DDR2: variants seen among roughly 807,000 people sequenced by gnomAD.
DDR2 encodes discoidin domain-containing receptor 2.
In DDR2, 27 loss-of-function variants were observed where a neutral mutation model predicts 94.9. The ratio of observed to expected loss-of-function variants is 0.28; its 90% CI spans 0.21 to 0.39. DDR2 has a LOEUF of 0.39. Among genes scored for constraint, DDR2 ranks in the 10% least tolerant of loss-of-function variants. The pLI is 1.00. For synonymous variants in DDR2, 382 were observed against 377.2 expected (o/e 1.01, Z -0.15); for missense variants, 783 against 1,076.0 (o/e 0.73, Z 3.81).
chr1:162,709,723 T>C (rs771065146), intron 2 of DDR2, among the ~76,000 whole-genome samples: 3 of 151,792 alleles, frequency 2.0e-5, no homozygotes, highest in Admixed American at 1.3e-4. Flanking sequence ...GGAAAGAAAA[T>C]GAGAGGAGCT....
intron 1 of DDR2, among the ~76,000 whole-genome samples, chr1:162,641,981 C>G (rs551753704): frequency 1.3e-5 from 2 of 152,126 alleles, no homozygotes; most frequent in Non-Finnish European, 2.9e-5. Flanking sequence ...GACAGAGTCT[C>G]TCCCTGTCGC....
At chr1:162,777,282 C>G (rs1647621236) in intron 16 of DDR2, among the ~76,000 whole-genome samples, 1 of 152,016 alleles carries the variant, frequency 6.6e-6, no homozygotes. Flanking sequence ...TACATATGTA[C>G]ATATATGTAA....
intron 1 of DDR2, among the ~76,000 whole-genome samples, chr1:162,645,551 G>T (rs935701288): frequency 6.6e-6 from 1 of 152,172 alleles, no homozygotes; most frequent in Non-Finnish European, 1.5e-5. Flanking sequence ...CTAATCACTA[G>T]TGTGGAACTT....
chr1:162,764,502 T>C (rs1191425611), intron 9 of DDR2, among the ~76,000 whole-genome samples: 2 of 151,732 alleles, frequency 1.3e-5, no homozygotes, highest in African/African-American at 4.8e-5. Context: ...GGAATGAGAC[T>C]TGTACTGGGC....
chr1:162,687,238 T>C (rs918994872), intron 2 of DDR2, among the ~76,000 whole-genome samples: 1 of 152,220 alleles, frequency 6.6e-6, no homozygotes. Flanking sequence ...AGGCAAGGCA[T>C]TACCTGCACC....
chr1:162,691,598 C>T (rs966579760), intron 2 of DDR2, among the ~76,000 whole-genome samples: 2 of 152,198 alleles, frequency 1.3e-5, no homozygotes, highest in African/African-American at 2.4e-5. Context: ...TGTCTAGTGA[C>T]GTGCTGGCAA....
chr1:162,711,741 C>T (rs552820779), intron 2 of DDR2, among the ~76,000 whole-genome samples: 253 of 152,244 alleles, frequency 1.7e-3, no homozygotes, highest in African/African-American at 5.7e-3. Flanking sequence ...AGGTGTTTCT[C>T]TTCATATCTA....
intron 12 of DDR2, 105 bp downstream of exon 12, chr1:162,770,617 G>C (rs780610602): frequency 2.6e-6 from 3 of 1,134,686 alleles, no homozygotes; most frequent in Non-Finnish European, 3.9e-6. Flanking sequence ...TTTAGTCTCT[G>C]CTAACCTCCT....
chr1:162,638,575 A>T (rs1194326306), intron 1 of DDR2, among the ~76,000 whole-genome samples: 2 of 152,180 alleles, frequency 1.3e-5, no homozygotes, highest in African/African-American at 4.8e-5. Context: ...GGGCTTTGTA[A>T]AAGAAAATCG....
chr1:162,747,495 C>T (rs907705811), intron 3 of DDR2, among the ~76,000 whole-genome samples: 7 of 151,848 alleles, frequency 4.6e-5, no homozygotes, highest in African/African-American at 1.7e-4. Context: ...AAATATGAGA[C>T]TGTGTGAAAA....
intron 10 of DDR2, among the ~76,000 whole-genome samples, chr1:162,766,336 A>G (rs1466557569): frequency 2.0e-5 from 3 of 152,226 alleles, no homozygotes; most frequent in African/African-American, 7.2e-5. Context: ...GGTCAGAAAC[A>G]GGGAAAGGGA....
At chr1:162,687,079 G>T (rs1659722266) in intron 2 of DDR2, among the ~76,000 whole-genome samples, 1 of 152,218 alleles carries the variant, frequency 6.6e-6, no homozygotes, top group African/African-American at 2.4e-5. Context: ...GCAAGGAGAA[G>T]ACAATGAGGC....
At chr1:162,691,887 G>A (rs1417404332) in intron 2 of DDR2, among the ~76,000 whole-genome samples, 1 of 152,234 alleles carries the variant, frequency 6.6e-6, no homozygotes, top group Non-Finnish European at 1.5e-5. Context: ...GTAGAAGGTA[G>A]AAAGGTATCA....
chr1:162,730,057 GCA>G (rs1661953626), intron 3 of DDR2, among the ~76,000 whole-genome samples: 2 of 66,654 alleles, frequency 3.0e-5, no homozygotes. Flanking sequence ...TTTTTTTTTT[GCA>G]AAAAAAAAAA....
intron 1 of DDR2, among the ~76,000 whole-genome samples, chr1:162,652,427 C>T (rs1030292762): frequency 4.6e-5 from 7 of 152,098 alleles, no homozygotes; most frequent in East Asian, 1.9e-4. Context: ...ATCAGACAGA[C>T]GACAGACACT....
chr1:162,675,632 T>C (rs1040246241), intron 2 of DDR2, among the ~76,000 whole-genome samples: 8 of 152,218 alleles, frequency 5.3e-5, no homozygotes, highest in African/African-American at 7.2e-5. Context: ...TGAATATAAG[T>C]GGCAGAAAGA....
intron 9 of DDR2, 65 bp from the exon 10 acceptor site, chr1:162,765,936 C>A: frequency 2.0e-6 from 3 of 1,473,986 alleles, no homozygotes; most frequent in South Asian, 2.3e-5. Context: ...TCACAATATG[C>A]CTTCAGAGAA....
intron 2 of DDR2, among the ~76,000 whole-genome samples, chr1:162,677,680 G>A (rs1659202322): frequency 6.6e-6 from 1 of 152,160 alleles, no homozygotes; most frequent in African/African-American, 2.4e-5. Context: ...GAACTGAACA[G>A]CACCTCCCAA....
At chr1:162,756,066 G>C (rs1216747082) in intron 7 of DDR2, among the ~76,000 whole-genome samples, 1 of 152,122 alleles carries the variant, frequency 6.6e-6, no homozygotes, top group Non-Finnish European at 1.5e-5. Context: ...CTCAAAACAG[G>C]ACATGTAGTC....
Sources: allele counts gnomAD v4.1 joint callset (sites outside exome capture counted in the v4.1 genomes callset), GRCh38; gene constraint gnomAD v4.1.1; transcripts MANE v1.5; gene names NCBI Gene and HGNC (gene_info 2026-07-23, HGNC 2026-07-21).